Variants in STS observed in about 807,000 individuals in gnomAD.
STS encodes steroid sulfatase.
STS carries 7 observed loss-of-function variants against 26.8 expected under a neutral mutation model. The ratio of observed to expected loss-of-function variants is 0.26; its 90% CI spans 0.15 to 0.49. The LOEUF (loss-of-function observed/expected upper bound fraction) is 0.49, where lower values mean the gene tolerates loss of function less well. Among genes scored for constraint, STS ranks in the 20% least tolerant of loss-of-function variants. STS has a pLI of 0.98. For synonymous variants in STS, 199 were observed against 189.4 expected (o/e 1.05, Z -0.42); for missense variants, 434 against 465.6 (o/e 0.93, Z 0.63).
chrX:7,324,070 C>G (rs926009210), intron 8 of STS, among the ~76,000 whole-genome samples: 1 of 110,818 alleles, frequency 9.0e-6, no homozygotes, highest in Non-Finnish European at 1.9e-5. Flanking sequence ...GTTCTGGCTA[C>G]AGCTTGATTT....
intron 2 of STS, among the ~76,000 whole-genome samples, chrX:7,228,064 T>C (rs1921895799): frequency 8.9e-6 from 1 of 112,325 alleles, no homozygotes; most frequent in Non-Finnish European, 1.9e-5. Flanking sequence ...CTTTTAAGGC[T>C]GCATAGTATT....
chrX:7,314,560 A>C (rs1926627149), intron 8 of STS, among the ~76,000 whole-genome samples: 1 of 112,851 alleles, frequency 8.9e-6, no homozygotes, highest in Non-Finnish European at 1.9e-5. Context: ...CAACTGCTGG[A>C]TCACCACTGT....
intron 1 of STS, among the ~76,000 whole-genome samples, chrX:7,158,985 A>T (rs1933188966): frequency 8.9e-6 from 1 of 111,844 alleles, no homozygotes; most frequent in Admixed American, 9.5e-5. Flanking sequence ...CTTAGTTATT[A>T]TTAAGACTAG....
chrX:7,169,690 T>G (rs1933425813), intron 1 of STS, among the ~76,000 whole-genome samples: 1 of 112,054 alleles, frequency 8.9e-6, no homozygotes, highest in Non-Finnish European at 1.9e-5. Context: ...ATCCAGCAAT[T>G]ATAGTATCTC....
At chrX:7,149,599 G>C (rs987807578) in intron 1 of STS, among the ~76,000 whole-genome samples, 6 of 111,903 alleles carry the variant, frequency 5.4e-5, no homozygotes, top group African/African-American at 2.0e-4. Context: ...GTCGTTCGTG[G>C]TTTCTGTATT....
intron 2 of STS, among the ~76,000 whole-genome samples, chrX:7,250,064 A>G (rs1601685419): frequency 2.7e-5 from 3 of 110,667 alleles, no homozygotes; most frequent in Admixed American, 9.7e-5. Flanking sequence ...AGTAGCCGGA[A>G]CTACAGACGT....
chrX:7,350,086 T>C lies in STS; in HGVS notation c.1562T>C (p.Ile521Thr), dbSNP rs1397651453. Residue 521 changes from isoleucine (I) to threonine (T), a missense_variant, in exon 11 of 11, where the codon ATC (isoleucine) becomes ACC (threonine). By Grantham distance (89) the Ile-to-Thr change is moderately conservative. This residue lies in a region of STS where 205 missense variants were observed against 177.3 expected (regional missense o/e 1.16). Coordinates refer to ENST00000674429, the MANE Select transcript of STS (RefSeq NM_001320752.2). ...TPASEPRFYE[I>T]LKVMQEAADR... ...GCATCCGAGCCCCGGTTTTATGAAATCCTCAAAGTCATGCAGGAAGCTGCG... is the reference window on the plus strand; with the variant it reads ...GCATCCGAGCCCCGGTTTTATGAAACCCTCAAAGTCATGCAGGAAGCTGCG... 2 of 1,210,370 alleles carry C rather than the reference T, an allele frequency of 1.7e-6. No homozygotes were observed. Among genetic ancestry groups the C allele is most frequent in the Admixed American group, 4.4e-5 (2 of 45,832 alleles).
At chrX:7,264,470 A>T (rs373549875) in intron 6 of STS, among the ~76,000 whole-genome samples, 11 of 112,406 alleles carry the variant, frequency 9.8e-5, no homozygotes, top group African/African-American at 3.2e-4. Flanking sequence ...AGAACTGTAC[A>T]TTGTAGGGTG....
At chrX:7,245,786 T>C (rs1220583031) in intron 2 of STS, among the ~76,000 whole-genome samples, 1 of 111,957 alleles carries the variant, frequency 8.9e-6, no homozygotes, top group East Asian at 2.8e-4. Flanking sequence ...TTAGAGGGTG[T>C]CCCTAGATAA....
At chrX:7,248,313 G>A (rs1178560167) in intron 2 of STS, among the ~76,000 whole-genome samples, 1 of 112,138 alleles carries the variant, frequency 8.9e-6, no homozygotes, top group East Asian at 2.8e-4. Context: ...CAAGCTCCAG[G>A]CTGTCTGTTG....
intron 2 of STS, among the ~76,000 whole-genome samples, chrX:7,233,098 T>TC (rs1467031647): frequency 1.0e-5 from 1 of 96,046 alleles, no homozygotes; most frequent in Non-Finnish European, 2.1e-5. Context: ...TTTCTTTTTT[T>TC]TTTTTTTTTT....
chrX:7,171,503 G>A (rs1161010087), intron 1 of STS, among the ~76,000 whole-genome samples: 3 of 111,672 alleles, frequency 2.7e-5, no homozygotes, highest in African/African-American at 6.5e-5. Flanking sequence ...TTGAGGAGCT[G>A]TTATCCTTGG....
At chrX:7,238,534 A>G (rs1372768242) in intron 2 of STS, among the ~76,000 whole-genome samples, 5 of 110,491 alleles carry the variant, frequency 4.5e-5, no homozygotes, top group African/African-American at 9.9e-5. Flanking sequence ...GAGAAGGGGG[A>G]AAATAAGGGG....
chrX:7,266,722 A>C (rs749465160), intron 6 of STS, among the ~76,000 whole-genome samples: 4 of 112,256 alleles, frequency 3.6e-5, no homozygotes, highest in African/African-American at 9.7e-5. Flanking sequence ...AACTCTCTGT[A>C]TGTGCCCTGT....
intron 7 of STS, among the ~76,000 whole-genome samples, chrX:7,279,693 C>T (rs1924763395): frequency 9.1e-6 from 1 of 109,290 alleles, no homozygotes; most frequent in Non-Finnish European, 1.9e-5. Flanking sequence ...AAATGTTCTC[C>T]TTGTGGGGGT....
chrX:7,326,440 C>A (rs1927479670), intron 9 of STS, among the ~76,000 whole-genome samples: 1 of 111,492 alleles, frequency 9.0e-6, no homozygotes, highest in African/African-American at 3.3e-5. Flanking sequence ...TTGGCCACAA[C>A]CTCTTTGACC....
At chrX:7,299,330 ATAT>A (rs748000545) in intron 7 of STS, among the ~76,000 whole-genome samples, 261 of 99,770 alleles carry the variant, frequency 2.6e-3, no homozygotes, top group Middle Eastern at 0.012. Flanking sequence ...AAATTTAGAA[ATAT>A]TATAAAACAT....
Position 7,335,550 on chromosome X carries a change from C to T in STS, c.1363+1443C>T, listed in dbSNP as rs1333787516. ...TAGATTGCAAAAATTTTCTCCCATT[C>T]TGTAGGTTGCCTGTTCACTCTGATG... On this transcript the variant is annotated intron_variant, in intron 10 of 10. Transcript: ENST00000674429. Among the ~76,000 whole-genome samples the T allele has an allele frequency of 9.0e-5, 10 of 111,699 alleles. No individual in the cohort carries two copies. In the East Asian group the frequency reaches 1.4e-3, roughly 16 times the overall value.
At chrX:7,157,958 A>G (rs1369106350) in intron 1 of STS, among the ~76,000 whole-genome samples, 2 of 112,338 alleles carry the variant, frequency 1.8e-5, no homozygotes, top group Non-Finnish European at 3.8e-5. Context: ...GTAGATAACC[A>G]GGAACCCTAT....
Sources: gnomAD v4.1 joint callset for allele counts (sites outside exome capture counted in the v4.1 genomes callset) on GRCh38, gnomAD v4.1.1 for gene constraint, gnomAD v4.1.1 regional missense constraint, MANE v1.5 for transcripts, NCBI Gene and HGNC (gene_info 2026-07-23, HGNC 2026-07-21) for gene names.